RBPJ: variants seen among roughly 807,000 people sequenced by gnomAD.
The protein encoded by RBPJ is recombination signal binding protein for immunoglobulin kappa J region.
Under a neutral mutation model 67.8 loss-of-function variants are expected in RBPJ, and 9 were observed. The ratio of observed to expected loss-of-function variants is 0.13; its 90% CI spans 0.08 to 0.23. RBPJ has a LOEUF of 0.23. Among genes scored for constraint, RBPJ ranks in the 10% least tolerant of loss-of-function variants. RBPJ has a pLI of 1.00. For synonymous variants in RBPJ, 198 were observed against 203.3 expected, an observed-to-expected ratio of 0.97 and a Z score of 0.22; for missense variants, 305 against 595.6, an observed-to-expected ratio of 0.51 and a Z score of 5.08.
At chr4:26,427,680 C>T (rs1332846596) in intron 7 of RBPJ, among the ~76,000 whole-genome samples, 1 of 152,054 alleles carries the variant, frequency 6.6e-6, no homozygotes, top group Non-Finnish European at 1.5e-5. Context: ...GTAGTGGCGT[C>T]TTTGAGATAA....
intron 1 of RBPJ, among the ~76,000 whole-genome samples, chr4:26,296,184 C>A (rs952819856): frequency 6.6e-6 from 1 of 152,168 alleles, no homozygotes; most frequent in Non-Finnish European, 1.5e-5. Context: ...GATGTAATTT[C>A]TTCTGTAGAA....
At chr4:26,277,130 A>AC (rs2109270987) in intron 1 of RBPJ, among the ~76,000 whole-genome samples, 1 of 150,116 alleles carries the variant, frequency 6.7e-6, no homozygotes, top group East Asian at 1.9e-4. Flanking sequence ...AAAAAAAAAA[A>AC]ATTTAAATTA....
upstream of RBPJ, among the ~76,000 whole-genome samples, chr4:26,316,462 CATAT>C (rs1364842440): frequency 7.1e-6 from 1 of 141,112 alleles, no homozygotes; most frequent in East Asian, 2.0e-4. Context: ...TATATACATT[CATAT>C]ATACATTCAT....
intron 1 of RBPJ, among the ~76,000 whole-genome samples, chr4:26,332,682 G>A (rs1210303193): frequency 3.3e-5 from 5 of 152,122 alleles, no homozygotes; most frequent in South Asian, 2.1e-4. Context: ...ACAGGGTCTC[G>A]CTTTGCTACC....
chr4:26,388,390 G>A (rs1173370101), intron 2 of RBPJ, among the ~76,000 whole-genome samples: 1 of 152,158 alleles, frequency 6.6e-6, no homozygotes, highest in African/African-American at 2.4e-5. Flanking sequence ...ACATATTTTA[G>A]GTTTTGTTGC....
intron 1 of RBPJ, among the ~76,000 whole-genome samples, chr4:26,367,309 C>A (rs1296698744): frequency 1.3e-5 from 2 of 151,802 alleles, no homozygotes; most frequent in African/African-American, 2.4e-5. Flanking sequence ...ATGGGAAAAC[C>A]CCATCTCACT....
the RBPJ span, among the ~76,000 whole-genome samples, chr4:26,127,640 A>T: frequency 6.6e-6 from 1 of 152,232 alleles, no homozygotes; most frequent in Non-Finnish European, 1.5e-5. Context: ...CAGTTTGTAT[A>T]GGGAACAAAA....
At chr4:26,318,438 A>G (rs1722735799), upstream of RBPJ, among the ~76,000 whole-genome samples, 1 of 152,232 alleles carries the variant, frequency 6.6e-6, no homozygotes, top group Non-Finnish European at 1.5e-5. Context: ...TGCCGCAGCC[A>G]TACGTAAAAT....
Position 26,430,914 on chromosome 4 carries a change from T to C in RBPJ, c.1371T>C (p.Pro457=). 6.2e-7 allele frequency: 1 copy of C among 1,613,930 alleles called. No homozygotes were observed. Among genetic ancestry groups the C allele is most frequent in the Non-Finnish European group, 8.5e-7 (1 of 1,179,966 alleles). The part of the protein sequence containing the change: ...ILRANSSQVP[P]NESNTNSEGS... ...GAGCCAATTCAAGCCAGGTGCCCCC[T>C]AACGAATCAAACACAAACAGCGAGG... Residue 457 remains proline, a synonymous_variant, in exon 11 of 11, where the codon CCT becomes CCC. Transcript: ENST00000355476. The surrounding 1 kb of genome is among the most constrained non-coding windows in gnomAD (Gnocchi z 4.1).
chr4:26,127,641 G>A, the RBPJ span, among the ~76,000 whole-genome samples: 10 of 152,144 alleles, frequency 6.6e-5, no homozygotes, highest in African/African-American at 1.9e-4. Flanking sequence ...AGTTTGTATA[G>A]GGAACAAAAC....
At chr4:26,255,279 C>T (rs1279250492) in intron 1 of RBPJ, among the ~76,000 whole-genome samples, 1 of 137,308 alleles carries the variant, frequency 7.3e-6, no homozygotes, top group Admixed American at 7.2e-5. Flanking sequence ...TGGCGGGCGC[C>T]TGTAGTCCCA....
At chr4:26,196,339 C>T (rs1226692587) in intron 1 of RBPJ, among the ~76,000 whole-genome samples, 2 of 152,126 alleles carry the variant, frequency 1.3e-5, no homozygotes, top group East Asian at 1.9e-4. Context: ...GTCAAAGGCT[C>T]GATATCGTAT....
At chr4:26,410,656 C>T (rs1733925452) in intron 3 of RBPJ, among the ~76,000 whole-genome samples, 1 of 152,144 alleles carries the variant, frequency 6.6e-6, no homozygotes, top group Non-Finnish European at 1.5e-5. Flanking sequence ...ACTGAATAAT[C>T]ATCAAAGGTT....
intron 1 of RBPJ, among the ~76,000 whole-genome samples, chr4:26,270,417 G>A (rs1346889470): frequency 1.8e-5 from 1 of 54,562 alleles, no homozygotes; most frequent in Non-Finnish European, 4.9e-5. Context: ...AAGAAAGAAA[G>A]AAAGAAAGAA....
the RBPJ span, among the ~76,000 whole-genome samples, chr4:26,135,403 T>G: frequency 6.6e-6 from 1 of 151,994 alleles, no homozygotes; most frequent in African/African-American, 2.4e-5. Context: ...GCTACTTTGA[T>G]AGGAAGTGGT....
chr4:26,367,336 A>T (rs768971354), intron 1 of RBPJ, among the ~76,000 whole-genome samples: 42 of 150,974 alleles, frequency 2.8e-4, no homozygotes, highest in Non-Finnish European at 6.1e-4. Context: ...CCAAAAATTA[A>T]CCAGATGCAG....
rs1269271424 is a variant in RBPJ, at chr4:26,357,842, GCTTA to G, written c.21-28507_21-28504del. Among the ~76,000 whole-genome samples, 5 of 152,080 alleles carry G rather than the reference GCTTA, an allele frequency of 3.3e-5. 1 individual carries two copies. In the East Asian group the frequency reaches 9.6e-4, roughly 29 times the overall value. ...TGTAGTGTTTGTCTTTTTGCGACTG[GCTTA>G]CTTCACTTACCATAATGTCTTCAAG... is the stretch of plus-strand genomic sequence containing the variant. On this transcript the variant is annotated intron_variant, in intron 1 of 10. Transcript: ENST00000355476.
At chr4:26,405,135 C>G (rs1242557332) in intron 2 of RBPJ, among the ~76,000 whole-genome samples, 1 of 152,042 alleles carries the variant, frequency 6.6e-6, no homozygotes. Flanking sequence ...CCTCAGCCAC[C>G]CTGTGGTAGG....
At chr4:26,277,272 T>C (rs1233316368) in intron 1 of RBPJ, among the ~76,000 whole-genome samples, 1 of 110,912 alleles carries the variant, frequency 9.0e-6, no homozygotes, top group Non-Finnish European at 1.6e-5. Flanking sequence ...ACCCTGTTTG[T>C]TCAAAAAAAA....
Sources: gnomAD v4.1 joint callset for allele counts (sites outside exome capture counted in the v4.1 genomes callset) on GRCh38, gnomAD v4.1.1 for gene constraint, Gnocchi (gnomAD v3.1) non-coding constraint, MANE v1.5 for transcripts, NCBI Gene and HGNC (gene_info 2026-07-23, HGNC 2026-07-21) for gene names.